TTC6: variants seen among roughly 807,000 people sequenced by gnomAD.
The protein encoded by TTC6 is tetratricopeptide repeat domain 6.
Under a neutral mutation model 210.4 loss-of-function variants are expected in TTC6, and 172 were observed. That is an observed-to-expected ratio of 0.82 (90% CI 0.72 to 0.93). TTC6 has a LOEUF of 0.93. Among genes scored for constraint, TTC6 ranks in the 40% least tolerant of loss-of-function variants. The probability of loss-of-function intolerance (pLI) is 0.00; values close to 1 mark genes in which losing one functional copy is unlikely to be tolerated. For synonymous variants in TTC6, 804 were observed against 819.6 expected (o/e 0.98, Z 0.32); for missense variants, 2,414 against 2,318.1 (o/e 1.04, Z -0.85).
In TTC6 at chr14:37,785,551, T is replaced by C. The variant is rs541910823; in HGVS notation, c.3267-1917T>C. On this transcript the variant is annotated intron_variant, in intron 14 of 30. Transcript: ENST00000553443. ...TTCTCAAGGTTTTTAGCTGCTTTGC[T>C]TTGGGTTTGAATATCCTCCTTTAGC... 4.6e-5 allele frequency among the ~76,000 whole-genome samples: 7 copies of C among 152,318 alleles called. No individual in the cohort carries two copies. The South Asian group carries it at 1.0e-3, about 23-fold the overall frequency.
chr14:37,690,577 CTATACT>C (rs2095801780), intron 3 of TTC6, among the ~76,000 whole-genome samples: 1 of 152,086 alleles, frequency 6.6e-6, no homozygotes, highest in Admixed American at 6.5e-5. Context: ...GCAGGAATCT[CTATACT>C]TATATCAGAC....
intron 1 of TTC6, among the ~76,000 whole-genome samples, chr14:37,642,800 A>G (rs552625948): frequency 2.6e-5 from 4 of 152,220 alleles, no homozygotes; most frequent in Non-Finnish European, 5.9e-5. Flanking sequence ...TGTTGCTCCT[A>G]GACTACAAAG....
At chr14:37,721,419 C>A (rs529015463) in intron 6 of TTC6, among the ~76,000 whole-genome samples, 1 of 152,206 alleles carries the variant, frequency 6.6e-6, no homozygotes, top group South Asian at 2.1e-4. Flanking sequence ...GCATTGGGAA[C>A]CTTGCAAAAT....
chr14:37,838,257 A>C (rs2096202415), intron 29 of TTC6, among the ~76,000 whole-genome samples: 1 of 152,218 alleles, frequency 6.6e-6, no homozygotes, highest in Non-Finnish European at 1.5e-5. Flanking sequence ...AAAAAATTCT[A>C]GTATATTGTA....
chr14:37,605,942 C>T (rs145692083), intron 1 of TTC6, among the ~76,000 whole-genome samples: 1 of 151,224 alleles, frequency 6.6e-6, no homozygotes, highest in Non-Finnish European at 1.5e-5. Flanking sequence ...TTTATCCTGC[C>T]TTAAGAACCC....
intron 1 of TTC6, among the ~76,000 whole-genome samples, chr14:37,641,020 C>T (rs967861417): frequency 7.2e-5 from 11 of 152,072 alleles, no homozygotes; most frequent in Admixed American, 5.2e-4. Flanking sequence ...TTTGTGATAC[C>T]GTCAAGTCAT....
At position 37,832,381 on chromosome 14, in the gene TTC6, C is replaced by G. The variant is rs1385724726; in HGVS notation, c.5298+5015C>G. ...TAATTTTGGGCTTGGCTAGTTCTTG[C>G]TTTTCTAGTTTTATGAGGTGCATTA... is the stretch of plus-strand genomic sequence containing the variant. On this transcript the variant is annotated intron_variant, in intron 29 of 30. Coordinates refer to ENST00000553443, the Ensembl canonical transcript of TTC6. Among the ~76,000 whole-genome samples the G allele has an allele frequency of 6.1e-5, 2 of 32,942 alleles. 1 individual carries two copies. The highest frequency in any genetic ancestry group is 1.7e-3 in the South Asian group (2 of 1,188). The allele number at this position is 32,942 out of a possible 152,430, so 21.6% of individuals were successfully genotyped here. A position where few individuals can be genotyped will look rare whatever the true frequency, so the allele number is the denominator to read the frequency against.
intron 1 of TTC6, among the ~76,000 whole-genome samples, chr14:37,625,544 G>A (rs1351987869): frequency 2.4e-5 from 3 of 124,630 alleles, no homozygotes; most frequent in African/African-American, 5.4e-5. Context: ...GCGAGACTTC[G>A]TCTAAAAAAA....
chr14:37,773,036 G>A (rs1010921570), intron 14 of TTC6, among the ~76,000 whole-genome samples: 1 of 152,158 alleles, frequency 6.6e-6, no homozygotes, highest in Admixed American at 6.5e-5. Context: ...CTTATTGGCT[G>A]CATGTATGTC....
chr14:37,651,404 TA>T (rs2095711240), intron 1 of TTC6, among the ~76,000 whole-genome samples: 3 of 17,964 alleles, frequency 1.7e-4, no homozygotes, highest in African/African-American at 5.8e-4. Context: ...TATATATATA[TA>T]TATATATATA....
chr14:37,792,595 G>A (rs1317488872), intron 17 of TTC6, among the ~76,000 whole-genome samples, 181 bp downstream of exon 19: 3 of 151,790 alleles, frequency 2.0e-5, no homozygotes, highest in Non-Finnish European at 2.9e-5. Flanking sequence ...CTACTTTCAA[G>A]GTGTGCATTT....
At chr14:37,799,245 C>A (rs1000251865) in intron 20 of TTC6, among the ~76,000 whole-genome samples, 1 of 152,078 alleles carries the variant, frequency 6.6e-6, no homozygotes, top group Non-Finnish European at 1.5e-5. Flanking sequence ...CAGCTTCATT[C>A]CATAAGCATT....
intron 4 of TTC6, among the ~76,000 whole-genome samples, chr14:37,697,779 GACA>G (rs941025385): frequency 2.0e-4 from 31 of 152,128 alleles, no homozygotes; most frequent in African/African-American, 5.5e-4. Context: ...AGTCACAGCA[GACA>G]ACAAGTATTT....
At chr14:37,824,318 C>A (rs1374961221) in intron 27 of TTC6, among the ~76,000 whole-genome samples, 1 of 152,162 alleles carries the variant, frequency 6.6e-6, no homozygotes. Context: ...AGCTTATATA[C>A]CTAGGCCCCA....
chr14:37,653,478 C>G (rs1308685410), intron 1 of TTC6, among the ~76,000 whole-genome samples: 2 of 152,038 alleles, frequency 1.3e-5, no homozygotes, highest in Admixed American at 6.6e-5. Flanking sequence ...TTGTTCCCTC[C>G]TTTTCTGAGA....
At chr14:37,774,984 A>G (rs1422517813) in intron 14 of TTC6, among the ~76,000 whole-genome samples, 1 of 152,014 alleles carries the variant, frequency 6.6e-6, no homozygotes, top group African/African-American at 2.4e-5. Flanking sequence ...GTTTCCAGGA[A>G]TTTATTCATT....
intron 7 of TTC6, among the ~76,000 whole-genome samples, chr14:37,731,200 A>C (rs1274558420): frequency 6.6e-6 from 1 of 152,172 alleles, no homozygotes; most frequent in East Asian, 1.9e-4. Flanking sequence ...TTTTCTGTTT[A>C]AAGACACCTT....
chr14:37,737,893 A>G (rs1332460801), intron 9 of TTC6, among the ~76,000 whole-genome samples, 159 bp downstream of exon 11: 1 of 151,928 alleles, frequency 6.6e-6, no homozygotes. Context: ...GGGGGAGTAC[A>G]GTAAGTTGCA....
intron 1 of TTC6, among the ~76,000 whole-genome samples, chr14:37,624,243 AG>A (rs2095656358): frequency 6.6e-6 from 1 of 152,208 alleles, no homozygotes; most frequent in Non-Finnish European, 1.5e-5. Flanking sequence ...TTACTGAACA[AG>A]ATTAGGGTGA....
Sources: allele counts gnomAD v4.1 joint callset (sites outside exome capture counted in the v4.1 genomes callset), GRCh38; gene constraint gnomAD v4.1.1; transcripts MANE v1.5; gene names NCBI Gene and HGNC (gene_info 2026-07-23, HGNC 2026-07-21).